GALNT17: variants seen among roughly 807,000 people sequenced by gnomAD.
GALNT17 encodes the protein polypeptide N-acetylgalactosaminyltransferase 17.
GALNT17 carries 29 observed loss-of-function variants against 63.7 expected under a neutral mutation model. The ratio of observed to expected loss-of-function variants is 0.46; its 90% CI spans 0.34 to 0.62. The LOEUF (loss-of-function observed/expected upper bound fraction) is 0.62, where lower values mean the gene tolerates loss of function less well. GALNT17 is among the 20% of genes least tolerant of loss of function. The pLI is 0.01. For missense variants in GALNT17, 603 were observed against 799.6 expected (o/e 0.75, Z 2.97); for synonymous variants, 305 against 318.3 (o/e 0.96, Z 0.45).
At chr7:71,584,555 C>T (rs557094438) in intron 6 of GALNT17, among the ~76,000 whole-genome samples, 121 of 152,178 alleles carry the variant, frequency 8.0e-4, no homozygotes, top group African/African-American at 2.6e-3. Context: ...AACATAGTCT[C>T]GACATAAAAT....
At chr7:71,678,363 T>G (rs1164057884) in intron 9 of GALNT17, among the ~76,000 whole-genome samples, 1 of 150,912 alleles carries the variant, frequency 6.6e-6, no homozygotes, top group Non-Finnish European at 1.5e-5. Context: ...TGACATCAAG[T>G]GATCCACCAC....
chr7:71,498,154 A>G (rs1411491275), intron 5 of GALNT17, among the ~76,000 whole-genome samples: 1 of 152,108 alleles, frequency 6.6e-6, no homozygotes, highest in Non-Finnish European at 1.5e-5. Flanking sequence ...CATTTGCTAC[A>G]ATGAATTTGT....
chr7:71,378,238 G>C (rs1253862458), intron 2 of GALNT17, among the ~76,000 whole-genome samples: 1 of 152,150 alleles, frequency 6.6e-6, no homozygotes, highest in Non-Finnish European at 1.5e-5. Context: ...GAGCTCAACT[G>C]GAGGAAATTA....
chr7:71,252,103 G>C (rs1790208896), intron 1 of GALNT17, among the ~76,000 whole-genome samples: 1 of 152,058 alleles, frequency 6.6e-6, no homozygotes. Context: ...GTCACCACCA[G>C]GGCATGTGTT....
chr7:71,237,035 C>T (rs534218409), intron 1 of GALNT17, among the ~76,000 whole-genome samples: 4 of 152,256 alleles, frequency 2.6e-5, no homozygotes, highest in African/African-American at 9.6e-5. Flanking sequence ...CTCGTGGCTC[C>T]CTGACAATGC....
At chr7:71,475,502 GC>G (rs1208352846) in intron 5 of GALNT17, among the ~76,000 whole-genome samples, 1 of 152,142 alleles carries the variant, frequency 6.6e-6, no homozygotes, top group African/African-American at 2.4e-5. Context: ...AGAATCTAAT[GC>G]CGCTGCTGAT....
chr7:71,303,323 T>C (rs1198618620), intron 1 of GALNT17, among the ~76,000 whole-genome samples: 1 of 152,110 alleles, frequency 6.6e-6, no homozygotes, highest in Non-Finnish European at 1.5e-5. Context: ...CCAGCTAATT[T>C]ATATTTTTTT....
intron 5 of GALNT17, among the ~76,000 whole-genome samples, chr7:71,544,031 G>A (rs1176324677): frequency 6.6e-6 from 1 of 151,342 alleles, no homozygotes; most frequent in East Asian, 2.0e-4. Flanking sequence ...GACCTCAGAT[G>A]TTCCACCCGC....
intron 6 of GALNT17, among the ~76,000 whole-genome samples, chr7:71,576,715 C>T (rs1280926987): frequency 6.6e-6 from 1 of 152,102 alleles, no homozygotes; most frequent in Admixed American, 6.6e-5. Flanking sequence ...GGACTACAGG[C>T]ACACACCATA....
intron 5 of GALNT17, among the ~76,000 whole-genome samples, chr7:71,501,721 G>T (rs1181914652): frequency 5.3e-5 from 8 of 152,114 alleles, no homozygotes; most frequent in Admixed American, 5.2e-4. Context: ...CTCCACTCTG[G>T]CCATGGTTAA....
At chr7:71,574,772 A>C (rs562348748) in intron 6 of GALNT17, among the ~76,000 whole-genome samples, 2 of 152,220 alleles carry the variant, frequency 1.3e-5, no homozygotes, top group Admixed American at 6.5e-5. Context: ...CCCTGTGTTT[A>C]CCAAGCCCTC....
At chr7:71,382,159 C>G (rs1048729784) in intron 2 of GALNT17, among the ~76,000 whole-genome samples, 1 of 152,070 alleles carries the variant, frequency 6.6e-6, no homozygotes, top group African/African-American at 2.4e-5. Context: ...GTGGGCAGAT[C>G]GCCTGAGGTC....
intron 1 of GALNT17, among the ~76,000 whole-genome samples, chr7:71,260,582 A>T (rs185669513): frequency 1.3e-5 from 2 of 148,350 alleles, no homozygotes; most frequent in African/African-American, 5.0e-5. Context: ...TTGAGACACT[A>T]TTTGGATTTT....
At chr7:71,415,759 C>A in intron 3 of GALNT17, 130 bp from the exon 4 acceptor site, 1 of 1,036,088 alleles carries the variant, frequency 9.7e-7, no homozygotes, top group Non-Finnish European at 1.3e-6. Flanking sequence ...TTCTTTTCTG[C>A]CAGAATTACT....
chr7:71,301,776 A>G (rs1034974711), intron 1 of GALNT17, among the ~76,000 whole-genome samples: 5 of 152,220 alleles, frequency 3.3e-5, no homozygotes, highest in African/African-American at 9.7e-5. Context: ...ATGAAATAAA[A>G]ATGAATAATG....
At chr7:71,189,229 C>A (rs1158842201) in intron 1 of GALNT17, among the ~76,000 whole-genome samples, 1 of 152,140 alleles carries the variant, frequency 6.6e-6, no homozygotes, top group Non-Finnish European at 1.5e-5. Flanking sequence ...GGTTCTCATT[C>A]TTTCTTGCCT....
chr7:71,584,232 G>A (rs78148158), intron 6 of GALNT17, among the ~76,000 whole-genome samples: 4,103 of 152,248 alleles, frequency 0.027, 195 homozygotes, highest in African/African-American at 0.093. Context: ...TGGATGAGAG[G>A]TTTAGATTAT....
At chr7:71,145,307 C>G (rs1197223643) in intron 1 of GALNT17, among the ~76,000 whole-genome samples, 1 of 152,090 alleles carries the variant, frequency 6.6e-6, no homozygotes, top group Non-Finnish European at 1.5e-5. Context: ...CGCAGCCTGG[C>G]AACAAAGCGA....
intron 3 of GALNT17, among the ~76,000 whole-genome samples, chr7:71,414,021 C>T (rs112107292): frequency 0.045 from 6,821 of 152,088 alleles, 551 homozygotes; most frequent in African/African-American, 0.16. Context: ...GTGGGTGGAT[C>T]ACCTGAGGCC....
Sources: allele counts gnomAD v4.1 joint callset (sites outside exome capture counted in the v4.1 genomes callset), GRCh38; gene constraint gnomAD v4.1.1; transcripts MANE v1.5; gene names NCBI Gene and HGNC (gene_info 2026-07-23, HGNC 2026-07-21).